Variants in EDARADD observed in about 807,000 individuals in gnomAD.
EDARADD encodes the protein EDAR associated via death domain.
Under a neutral mutation model 25.6 loss-of-function variants are expected in EDARADD, and 20 were observed. The ratio of observed to expected loss-of-function variants is 0.78; its 90% CI spans 0.55 to 1.14. The LOEUF is 1.14. Ranked by LOEUF, EDARADD falls within the 50% of genes most tolerant of loss-of-function variation. The pLI, the probability that EDARADD is intolerant of heterozygous loss-of-function variation, is 0.00. For synonymous variants in EDARADD, 86 were observed against 94.4 expected (o/e 0.91, Z 0.52); for missense variants, 225 against 270.1 (o/e 0.83, Z 1.17).
intron 1 of EDARADD, among the ~76,000 whole-genome samples, chr1:236,406,317 G>A (rs1343820679): frequency 6.6e-6 from 1 of 152,196 alleles, no homozygotes; most frequent in Non-Finnish European, 1.5e-5. Context: ...CCGAATGCAC[G>A]TGTGTCCGGC....
chr1:236,426,044 C>T (rs942260233), intron 3 of EDARADD, among the ~76,000 whole-genome samples: 2 of 151,834 alleles, frequency 1.3e-5, no homozygotes, highest in African/African-American at 2.4e-5. Context: ...GTGGCATGAT[C>T]GATCAGAGCT....
At chr1:236,378,069 G>A (rs1211291872) in intron 3 of EDARADD, among the ~76,000 whole-genome samples, 1 of 152,100 alleles carries the variant, frequency 6.6e-6, no homozygotes, top group Non-Finnish European at 1.5e-5. Context: ...CTATGACTCT[G>A]AACTGTGAAC....
intron 3 of EDARADD, among the ~76,000 whole-genome samples, chr1:236,425,192 G>A (rs1156875382): frequency 1.3e-5 from 2 of 152,214 alleles, no homozygotes; most frequent in East Asian, 1.9e-4. Flanking sequence ...AAGCAGCAGC[G>A]CTAAGCACAG....
chr1:236,431,984 G>A (rs1658109008), intron 4 of EDARADD, among the ~76,000 whole-genome samples: 1 of 151,086 alleles, frequency 6.6e-6, no homozygotes, highest in African/African-American at 2.5e-5. Context: ...ACTTGTTGGA[G>A]AGGCAGTGCA....
In EDARADD at chr1:236,484,085, C is replaced by A; in HGVS notation, c.*1436C>A. 6.3e-7 allele frequency: 1 copy of A among 1,576,354 alleles called. No homozygotes were observed. Among genetic ancestry groups the A allele is most frequent in the East Asian group, 2.2e-5 (1 of 44,596 alleles). Reference sequence around the variant, plus strand: ...ATGACTGGGGAGCTTGGCAGAAGTTCACGGCCAGTGCAGGAATCCAGGTAG... The same window carrying A: ...ATGACTGGGGAGCTTGGCAGAAGTTAACGGCCAGTGCAGGAATCCAGGTAG... On this transcript the variant is annotated 3_prime_UTR_variant, in exon 6 of 6. Transcript: ENST00000334232. This position sits in a 1 kb window ranked among gnomAD's most constrained non-coding sequence, Gnocchi z 4.1.
rs1170622280 is a variant in EDARADD at position 236,431,927 on chromosome 1, C to CAAAAAAA, written c.219+4496_219+4502dup. Among the ~76,000 whole-genome samples the CAAAAAAA allele has an allele frequency of 1.4e-3, 26 of 17,986 alleles. 2 individuals carry two copies. The highest frequency in any genetic ancestry group is 2.4e-3 in the African/African-American group (26 of 10,914). The allele number at this position is 17,986 out of a possible 152,430, so 11.8% of individuals were successfully genotyped here. On this transcript the variant is annotated intron_variant, in intron 4 of 5. Coordinates refer to ENST00000334232, the MANE Select transcript of EDARADD (RefSeq NM_145861.4). ...TGGGCGACAGAGCGAGACTCCGTCTCAAAAAAAAAAAAAAAAAAAAAAAAA... is the reference window on the plus strand; with the variant it reads ...TGGGCGACAGAGCGAGACTCCGTCTCAAAAAAAAAAAAAAAAAAAAAAAAAAAAAAAA...
At chr1:236,472,918 C>T (rs1015060517) in intron 5 of EDARADD, among the ~76,000 whole-genome samples, 3 of 150,412 alleles carry the variant, frequency 2.0e-5, no homozygotes, top group East Asian at 3.9e-4. Flanking sequence ...AGCAATCTTG[C>T]GGCTGCCTTG....
At chr1:236,424,759 A>G (rs1223631684) in intron 3 of EDARADD, among the ~76,000 whole-genome samples, 2 of 152,172 alleles carry the variant, frequency 1.3e-5, no homozygotes, top group Non-Finnish European at 2.9e-5. Flanking sequence ...TTGCTGCAAC[A>G]GGGGCATAAG....
At chr1:236,428,963 G>A (rs1048898355) in intron 4 of EDARADD, among the ~76,000 whole-genome samples, 1 of 152,084 alleles carries the variant, frequency 6.6e-6, no homozygotes, top group African/African-American at 2.4e-5. Context: ...GCGAAACCCC[G>A]TCTCCACCAA....
At chr1:236,431,739 G>A (rs1658099481) in intron 4 of EDARADD, among the ~76,000 whole-genome samples, 1 of 57,926 alleles carries the variant, frequency 1.7e-5, no homozygotes, top group Non-Finnish European at 6.4e-5. Context: ...GGCTAACAAG[G>A]TGAAACCCCG....
chr1:236,424,499 T>C (rs1209324331), intron 3 of EDARADD, among the ~76,000 whole-genome samples: 1 of 152,098 alleles, frequency 6.6e-6, no homozygotes, highest in African/African-American at 2.4e-5. Context: ...TTTTTATCTT[T>C]CTTTCATTCC....
At chr1:236,422,198 G>A (rs1327127406) in intron 3 of EDARADD, among the ~76,000 whole-genome samples, 2 of 152,224 alleles carry the variant, frequency 1.3e-5, no homozygotes, top group Non-Finnish European at 2.9e-5. Context: ...TGCCTGATAT[G>A]AGAGGGGAGG....
At chr1:236,468,351 C>G in intron 5 of EDARADD, 75 bp downstream of exon 5, 2 of 1,500,172 alleles carry the variant, frequency 1.3e-6, no homozygotes, top group Non-Finnish European at 1.9e-6. Flanking sequence ...AGGCCAGGGT[C>G]GGTGACTCAT....
chr1:236,468,418 G>A, intron 5 of EDARADD, 142 bp downstream of exon 5: 2 of 786,732 alleles, frequency 2.5e-6, no homozygotes, highest in South Asian at 1.4e-5. Flanking sequence ...GAGGTCAGGA[G>A]TTCAAGACCA....
chr1:236,468,700 A>G (rs999788229), intron 5 of EDARADD, among the ~76,000 whole-genome samples: 2 of 152,174 alleles, frequency 1.3e-5, no homozygotes, highest in African/African-American at 4.8e-5. Context: ...GAATAGAGCA[A>G]CTTTCTACCT....
chr1:236,456,496 T>G (rs546273797), intron 4 of EDARADD, among the ~76,000 whole-genome samples: 1 of 152,222 alleles, frequency 6.6e-6, no homozygotes, highest in African/African-American at 2.4e-5. Context: ...GATAATGATC[T>G]GATTCTACCT....
At chr1:236,367,042 C>T (rs1393784635) in intron 3 of EDARADD, among the ~76,000 whole-genome samples, 1 of 143,718 alleles carries the variant, frequency 7.0e-6, no homozygotes, top group Non-Finnish European at 1.5e-5. Context: ...CGAGATTGTA[C>T]CACTGCGCTC....
At chr1:236,371,304 C>T (rs1163058460) in intron 3 of EDARADD, among the ~76,000 whole-genome samples, 1 of 152,032 alleles carries the variant, frequency 6.6e-6, no homozygotes, top group South Asian at 2.1e-4. Flanking sequence ...ATTGTTTATT[C>T]GTTTCAGGAG....
At chr1:236,388,823 A>G (rs1667387436) in intron 3 of EDARADD, among the ~76,000 whole-genome samples, 1 of 152,230 alleles carries the variant, frequency 6.6e-6, no homozygotes, top group African/African-American at 2.4e-5. Flanking sequence ...CTAAATGACA[A>G]TTTGTTAAAT....
Sources: gnomAD v4.1 joint callset for allele counts (sites outside exome capture counted in the v4.1 genomes callset) on GRCh38, gnomAD v4.1.1 for gene constraint, Gnocchi (gnomAD v3.1) non-coding constraint, MANE v1.5 for transcripts, NCBI Gene and HGNC (gene_info 2026-07-23, HGNC 2026-07-21) for gene names.